TLR6: variants seen among roughly 807,000 people sequenced by gnomAD.
TLR6 encodes the protein toll-like receptor 6.
Under a neutral mutation model 16.1 loss-of-function variants are expected in TLR6, and 9 were observed. That is an observed-to-expected ratio of 0.56 (90% CI 0.34 to 0.98). The LOEUF (loss-of-function observed/expected upper bound fraction) is 0.98. TLR6 is among the 50% of genes least tolerant of loss of function. TLR6 has a pLI of 0.02. For synonymous variants in TLR6, 340 were observed against 338.6 expected (o/e 1.00, Z -0.04); for missense variants, 786 against 921.0 (o/e 0.85, Z 1.90).
At chr4:38,824,267 T>C (rs1053800875) in exon 2 of TLR6, 1 of 152,296 alleles carries the variant, frequency 6.6e-6, no homozygotes, top group African/African-American at 2.4e-5. Flanking sequence ...TCTCCCTTTT[T>C]CCTGGAGCTT....
At chr4:38,858,794 AGAGAGAGAGAGAGAGAGAGG>A (rs1713104295), upstream of TLR6, among the ~76,000 whole-genome samples, 1 of 28,426 alleles carries the variant, frequency 3.5e-5, no homozygotes, top group African/African-American at 2.6e-4. Flanking sequence ...AGAGAGAGGG[AGAGAGAGAGAGAGAGAGAGG>A]GAGAGAGAGA....
intron 1 of TLR6, among the ~76,000 whole-genome samples, chr4:38,855,516 T>C (rs1391951996): frequency 1.3e-5 from 2 of 152,194 alleles, no homozygotes; most frequent in Non-Finnish European, 2.9e-5. Context: ...AACGTGCTTG[T>C]TTTATTTGGA....
chr4:38,840,790 C>A (rs1254236056), intron 1 of TLR6, among the ~76,000 whole-genome samples: 1 of 152,178 alleles, frequency 6.6e-6, no homozygotes, highest in Non-Finnish European at 1.5e-5. Context: ...GAACATTTAA[C>A]AGGAATGCTC....
upstream of TLR6, among the ~76,000 whole-genome samples, chr4:38,861,323 C>T (rs1421310168): frequency 6.6e-6 from 1 of 152,064 alleles, no homozygotes; most frequent in Non-Finnish European, 1.5e-5. Flanking sequence ...ATAATCTTGT[C>T]CTGCACCCTA....
At chr4:38,860,266 G>A (rs1016275339), upstream of TLR6, among the ~76,000 whole-genome samples, 12 of 152,114 alleles carry the variant, frequency 7.9e-5, no homozygotes, top group Admixed American at 7.2e-4. Context: ...GAGGTCAGGA[G>A]TTCAAAACCA....
chr4:38,867,755 G>T, the TLR6 span: 1 of 151,254 alleles, frequency 6.6e-6, no homozygotes, highest in East Asian at 1.9e-4. Flanking sequence ...CCCGCCCTCC[G>T]GCCGCGTCCC....
At chr4:38,824,096 C>G (rs1006004625) in exon 2 of TLR6, 2 of 150,846 alleles carry the variant, frequency 1.3e-5, no homozygotes, top group South Asian at 4.2e-4. Context: ...CCGCCCCCCC[C>G]TGCCTGGGCT....
At chr4:38,827,406 T>C in exon 2 of TLR6, 1 of 1,614,188 alleles carries the variant, frequency 6.2e-7, no homozygotes, top group East Asian at 2.2e-5. Flanking sequence ...TCAATGCAGT[T>C]GATGATATTT....
intron 1 of TLR6, among the ~76,000 whole-genome samples, chr4:38,839,673 C>A (rs1335585622): frequency 6.6e-6 from 1 of 152,186 alleles, no homozygotes; most frequent in Non-Finnish European, 1.5e-5. Flanking sequence ...AACTTCCTAG[C>A]CCTATTCTGA....
chr4:38,850,766 A>T (rs9684929), intron 1 of TLR6, among the ~76,000 whole-genome samples: 24,019 of 152,146 alleles, frequency 0.16, 3,709 homozygotes, highest in African/African-American at 0.38. Flanking sequence ...AAAGTCCAGG[A>T]CCAGACGGAT....
chr4:38,827,569 T>A, exon 2 of TLR6: 1 of 1,614,128 alleles, frequency 6.2e-7, no homozygotes, highest in Non-Finnish European at 8.5e-7. Flanking sequence ...TTCTTTGGAG[T>A]TCTTCTAAGG....
chr4:38,823,558 T>G (rs79208141), downstream of TLR6, among the ~76,000 whole-genome samples: 40 of 152,328 alleles, frequency 2.6e-4, 2 homozygotes, highest in East Asian at 7.1e-3. Context: ...TGTTAAGAAC[T>G]GAAAACGTGT....
At chr4:38,828,880 G>T (rs143784121) in exon 2 of TLR6, 1 of 1,612,852 alleles carries the variant, frequency 6.2e-7, no homozygotes, top group African/African-American at 1.3e-5. Context: ...CAAGGTGAAG[G>T]GTTTTTGCAT....
At chr4:38,828,246 C>T (rs1439434829) in exon 2 of TLR6, 10 of 1,613,526 alleles carry the variant, frequency 6.2e-6, no homozygotes, top group Non-Finnish European at 8.5e-6. Flanking sequence ...TTCCAGCTAA[C>T]ATCCAGTATT....
At chr4:38,852,995 T>C (rs1712828367) in intron 1 of TLR6, among the ~76,000 whole-genome samples, 1 of 151,828 alleles carries the variant, frequency 6.6e-6, no homozygotes, top group Non-Finnish European at 1.5e-5. Context: ...TGTCCATCAA[T>C]GATAGACTGG....
chr4:38,843,288 A>G (rs2109453382), intron 1 of TLR6, among the ~76,000 whole-genome samples: 1 of 152,344 alleles, frequency 6.6e-6, no homozygotes, highest in East Asian at 1.9e-4. Context: ...TGCACAAGAA[A>G]GCATCTATGA....
intron 1 of TLR6, among the ~76,000 whole-genome samples, chr4:38,832,538 A>C (rs1409343571): frequency 6.6e-6 from 1 of 152,190 alleles, no homozygotes; most frequent in East Asian, 1.9e-4. Context: ...ATTGTTCCAC[A>C]ATGGGACTTC....
chr4:38,865,017 G>C, the TLR6 span, among the ~76,000 whole-genome samples: 1 of 152,108 alleles, frequency 6.6e-6, no homozygotes, highest in African/African-American at 2.4e-5. Flanking sequence ...TCCTAAATAA[G>C]AAAGAAAGAA....
At chr4:38,823,006 G>A (rs1727390285), downstream of TLR6, among the ~76,000 whole-genome samples, 3 of 152,214 alleles carry the variant, frequency 2.0e-5, no homozygotes, top group South Asian at 4.1e-4. Context: ...TGTCAGCAGG[G>A]AAGAGAGAGA....
Sources: gnomAD v4.1 joint callset for allele counts (sites outside exome capture counted in the v4.1 genomes callset) on GRCh38, gnomAD v4.1.1 for gene constraint, MANE v1.5 for transcripts, NCBI Gene and HGNC (gene_info 2026-07-23, HGNC 2026-07-21) for gene names.